Variants in ABHD17C observed in about 807,000 individuals in gnomAD.
The protein encoded by ABHD17C is alpha/beta hydrolase domain-containing protein 17C.
ABHD17C carries 11 observed loss-of-function variants against 27.9 expected under a neutral mutation model. That is an observed-to-expected ratio of 0.39 (90% CI 0.25 to 0.65). ABHD17C has a LOEUF of 0.65. Among genes scored for constraint, ABHD17C ranks in the 30% least tolerant of loss-of-function variants. The pLI is 0.45. For missense variants in ABHD17C, 280 were observed against 470.2 expected (o/e 0.60, Z 3.74); for synonymous variants, 233 against 209.1 (o/e 1.11, Z -0.98).
In ABHD17C at chr15:80,696,035, T is replaced by C; in HGVS notation, c.590+16T>C. On this transcript the variant is annotated intron_variant, in intron 1 of 2. Transcript: ENST00000258884. ...TGCGCACCCGGTGAGCCTGCCGGGG[T>C]CGCCAGGCCTGACTTCCAGCTGTGG... 6.5e-7 allele frequency: 1 copy of C among 1,537,602 alleles called. No individual in the cohort carries two copies. The highest frequency in any genetic ancestry group is 1.2e-5 in the South Asian group (1 of 85,140).
intron 1 of ABHD17C, among the ~76,000 whole-genome samples, chr15:80,738,411 T>C (rs1895163153): frequency 1.3e-5 from 2 of 152,122 alleles, no homozygotes; most frequent in African/African-American, 4.8e-5. Flanking sequence ...AGAAAGACTC[T>C]GGGTACCTGG....
At chr15:80,753,126 T>C (rs1296390502) in intron 2 of ABHD17C, among the ~76,000 whole-genome samples, 1 of 152,162 alleles carries the variant, frequency 6.6e-6, no homozygotes, top group African/African-American at 2.4e-5. Flanking sequence ...TGTCCAGCTT[T>C]CCAAATAGAC....
intron 1 of ABHD17C, among the ~76,000 whole-genome samples, chr15:80,713,531 C>T (rs569289064): frequency 1.6e-4 from 24 of 151,732 alleles, no homozygotes; most frequent in Non-Finnish European, 3.2e-4. Flanking sequence ...AGGTACAGGC[C>T]AGGTGCAGTG....
intron 1 of ABHD17C, among the ~76,000 whole-genome samples, chr15:80,729,715 G>A (rs530422333): frequency 5.3e-5 from 8 of 152,302 alleles, no homozygotes; most frequent in African/African-American, 1.4e-4. Flanking sequence ...TACTAGGGCC[G>A]AGGAAAGGAA....
At chr15:80,743,815 C>T (rs112407175) in intron 1 of ABHD17C, among the ~76,000 whole-genome samples, 290 of 152,240 alleles carry the variant, frequency 1.9e-3, no homozygotes, top group African/African-American at 6.7e-3. Flanking sequence ...TCAAGGAGTT[C>T]GCACTCCTCG....
intron 1 of ABHD17C, among the ~76,000 whole-genome samples, chr15:80,713,939 C>CACACAT (rs1555422319): frequency 5.5e-5 from 8 of 145,016 alleles, no homozygotes; most frequent in Non-Finnish European, 1.2e-4. Flanking sequence ...CACACACACA[C>CACACAT]ATATATTTAT....
At position 80,754,399 on chromosome 15, in the gene ABHD17C, C is replaced by T. The variant is rs1895407190; in HGVS notation, c.*29C>T. Reference sequence around the variant, plus strand: ...CAACAACTTGATCTTACCTCATTTACTGTGAACAGAAGAGTCCTCTGTTTT... The same window carrying T: ...CAACAACTTGATCTTACCTCATTTATTGTGAACAGAAGAGTCCTCTGTTTT... On this transcript the variant is annotated 3_prime_UTR_variant, in exon 3 of 3. Transcript: ENST00000258884. 1 of 1,576,620 alleles carries T rather than the reference C, an allele frequency of 6.3e-7. No individual in the cohort carries two copies. Among genetic ancestry groups the T allele is most frequent in the African/African-American group, 1.3e-5 (1 of 74,210 alleles).
chr15:80,740,262 A>G (rs563617743), intron 1 of ABHD17C, among the ~76,000 whole-genome samples: 1 of 152,184 alleles, frequency 6.6e-6, no homozygotes, highest in East Asian at 1.9e-4. Flanking sequence ...CTTCTGAGCT[A>G]TATCTTGAGT....
chr15:80,737,789 G>C (rs1392502359), intron 1 of ABHD17C, among the ~76,000 whole-genome samples: 2 of 152,114 alleles, frequency 1.3e-5, no homozygotes, highest in Admixed American at 1.3e-4. Context: ...TCCAGGCAGG[G>C]GGTGTTTATG....
chr15:80,750,353 C>CA (rs1895350027), intron 2 of ABHD17C, among the ~76,000 whole-genome samples: 1 of 152,198 alleles, frequency 6.6e-6, no homozygotes, highest in African/African-American at 2.4e-5. Flanking sequence ...GAGGTGCCTG[C>CA]ATGAGGAAAG....
chr15:80,730,359 A>G (rs1895041720), intron 1 of ABHD17C, among the ~76,000 whole-genome samples: 1 of 152,126 alleles, frequency 6.6e-6, no homozygotes, highest in Non-Finnish European at 1.5e-5. Context: ...GCCCTCCCTG[A>G]GTTCCTGCTG....
At position 80,713,329 on chromosome 15, in the gene ABHD17C, G is replaced by T. The variant is rs192916362; in HGVS notation, c.590+17310G>T. 4.7e-3 allele frequency among the ~76,000 whole-genome samples: 621 copies of T among 131,322 alleles called. 6 individuals are homozygous for T. The highest frequency in any genetic ancestry group is 0.045 in the Middle Eastern group (10 of 222). 86.2% of individuals were successfully genotyped at this position (131,322 alleles called of 152,430 possible). Reference sequence around the variant, plus strand: ...ATAAATTTAATACCAAATAGTTACCGAAGGAAAGCCACTGAGGTCTTGTTC... The same window carrying T: ...ATAAATTTAATACCAAATAGTTACCTAAGGAAAGCCACTGAGGTCTTGTTC... On this transcript the variant is annotated intron_variant, in intron 1 of 2. Transcript: ENST00000258884.
intron 1 of ABHD17C, among the ~76,000 whole-genome samples, chr15:80,697,172 G>A (rs1894506713): frequency 6.6e-6 from 1 of 152,166 alleles, no homozygotes; most frequent in East Asian, 1.9e-4. Flanking sequence ...TTGTCCAACA[G>A]GGAAGTACTT....
Position 80,754,329 on chromosome 15 carries a change from A to C in ABHD17C, c.949A>C (p.Arg317=). ...DIELYAQYLE[R]LKQFISHELP... is the part of the protein sequence containing the mutation. The stretch of plus-strand genomic sequence containing the variant: ...AGAGCTTTATGCACAATACCTAGAA[A>C]GACTAAAACAGTTCATATCTCACGA... The change falls in exon 3 of 3, where the codon AGA becomes CGA. Residue 317 remains arginine (R), a synonymous_variant. Coordinates refer to ENST00000258884, the MANE Select transcript of ABHD17C (RefSeq NM_021214.2). 6.2e-7 allele frequency: 1 copy of C among 1,613,910 alleles called. No homozygotes were observed.
Position 80,754,302 on chromosome 15 carries a change from A to G in ABHD17C, c.922A>G (p.Ile308Val). The change falls in exon 3 of 3, where the codon ATA (isoleucine) becomes GTA (valine). Residue 308 changes from isoleucine (I) to valine (V), a missense_variant. Transcript: ENST00000258884. ...LWVEGAGHND[I>V]ELYAQYLERL... ...GGTTGAAGGGGCTGGGCATAATGACATAGAGCTTTATGCACAATACCTAGA... is the reference window on the plus strand; with the variant it reads ...GGTTGAAGGGGCTGGGCATAATGACGTAGAGCTTTATGCACAATACCTAGA... 2 of 1,613,998 alleles carry G rather than the reference A, an allele frequency of 1.2e-6. No individual in the cohort carries two copies. Among genetic ancestry groups the G allele is most frequent in the South Asian group, 1.1e-5 (1 of 91,092 alleles).
intron 1 of ABHD17C, among the ~76,000 whole-genome samples, chr15:80,727,666 G>A (rs1259916971): frequency 2.6e-5 from 4 of 152,056 alleles, no homozygotes; most frequent in African/African-American, 7.2e-5. Flanking sequence ...GGAGCTGCAT[G>A]CAGTGGGGTC....
intron 1 of ABHD17C, among the ~76,000 whole-genome samples, chr15:80,711,369 C>T (rs553048389): frequency 2.0e-5 from 3 of 152,198 alleles, no homozygotes; most frequent in Admixed American, 1.3e-4. Flanking sequence ...GGAGAGTGAT[C>T]GCTCATTTCC....
Position 80,733,992 on chromosome 15 carries a change from TTTA to T in ABHD17C, c.591-15518_591-15516del, listed in dbSNP as rs1285826844. The stretch of plus-strand genomic sequence containing the variant: ...ATTTATTTATTTATTTATTTATTTA[TTTA>T]TTTTTTTAAAACAGGGTCTGGCTCT... On this transcript the variant is annotated intron_variant, in intron 1 of 2. Transcript: ENST00000258884. Among the ~76,000 whole-genome samples the T allele has an allele frequency of 8.6e-3, 1,147 of 133,506 alleles. 8 individuals are homozygous for T. The highest frequency in any genetic ancestry group is 0.027 in the Middle Eastern group (7 of 260). The allele number at this position is 133,506 out of a possible 152,430, so 87.6% of individuals were successfully genotyped here.
Position 80,754,416 on chromosome 15 carries a change from C to G in ABHD17C, c.*46C>G. The stretch of plus-strand genomic sequence containing the variant: ...CTCATTTACTGTGAACAGAAGAGTC[C>G]TCTGTTTTGCACATGCTTTAACTGG... On this transcript the variant is annotated 3_prime_UTR_variant, in exon 3 of 3. Transcript: ENST00000258884. 1.3e-6 allele frequency: 2 copies of G among 1,504,668 alleles called. No individual in the cohort carries two copies. The highest frequency in any genetic ancestry group is 1.4e-5 in the African/African-American group (1 of 72,786). 93.2% of individuals were successfully genotyped at this position (1,504,668 alleles called of 1,614,324 possible).
Sources: gnomAD v4.1 joint callset for allele counts (sites outside exome capture counted in the v4.1 genomes callset) on GRCh38, gnomAD v4.1.1 for gene constraint, MANE v1.5 for transcripts, NCBI Gene and HGNC (gene_info 2026-07-23, HGNC 2026-07-21) for gene names.